NKIRAS1: variants seen among roughly 807,000 people sequenced by gnomAD.
The protein encoded by NKIRAS1 is NF-kappa-B inhibitor-interacting Ras-like protein 1.
NKIRAS1 carries 16 observed loss-of-function variants against 19.8 expected under a neutral mutation model. That is an observed-to-expected ratio of 0.81 (90% CI 0.55 to 1.23). The LOEUF (loss-of-function observed/expected upper bound fraction) is 1.23, where lower values mean the gene tolerates loss of function less well. NKIRAS1 is among the 50% of genes most tolerant of loss of function. The pLI, the probability that NKIRAS1 is intolerant of heterozygous loss-of-function variation, is 0.00. For synonymous variants in NKIRAS1, 88 were observed against 79.0 expected (o/e 1.11, Z -0.61); for missense variants, 184 against 220.0 (o/e 0.84, Z 1.04).
rs1454504024 is a variant in NKIRAS1 at position 23,891,179 on chromosome 3, G to A, written c.*1916C>T. Reference sequence around the variant, plus strand: ...GAATCAGGACTTGTGAAAACCTGTAGTGAAATACCTTAAGCTGTTAACTAA... The same window carrying A: ...GAATCAGGACTTGTGAAAACCTGTAATGAAATACCTTAAGCTGTTAACTAA... On this transcript the variant is annotated 3_prime_UTR_variant, in exon 5 of 5. Transcript: ENST00000425478. 6.6e-6 allele frequency: 1 copy of A among 152,462 alleles called. No individual in the cohort carries two copies. The highest frequency in any genetic ancestry group is 1.9e-4 in the East Asian group (1 of 5,198). The allele number at this position is 152,462 out of a possible 1,614,324, so 9.4% of individuals were successfully genotyped here. A position where few individuals can be genotyped will look rare whatever the true frequency, so the allele number is the denominator to read the frequency against.
intron 1 of NKIRAS1, chr3:23,945,986 C>T (rs1335588050): frequency 1.7e-5 from 9 of 538,890 alleles, no homozygotes; most frequent in Non-Finnish European, 2.1e-5. Context: ...CGCTCGGCTC[C>T]CTGACCCACA....
At position 23,926,344 on chromosome 3, in the gene NKIRAS1, G is replaced by A. The variant is rs1480314654; in HGVS notation, c.-139-14894C>T. On this transcript the variant is annotated intron_variant, in intron 1 of 4. Transcript: ENST00000421515. This position sits in a 1 kb window ranked among gnomAD's most constrained non-coding sequence, Gnocchi z 4.3. ...TGGGATTATAGGTATGAGCCATGGC[G>A]CCCGGCCATAGTACTGACTTAGACC... Among the ~76,000 whole-genome samples, 1 of 152,160 alleles carries A rather than the reference G, an allele frequency of 6.6e-6. No homozygotes were observed. Among genetic ancestry groups the A allele is most frequent in the African/African-American group, 2.4e-5 (1 of 41,426 alleles).
chr3:23,908,998 G>A (rs898040105), intron 3 of NKIRAS1, among the ~76,000 whole-genome samples: 3 of 151,230 alleles, frequency 2.0e-5, no homozygotes, highest in East Asian at 2.0e-4. Context: ...GCCTGGCCAC[G>A]GTTTTAATTT....
At chr3:23,945,893 G>A (rs1029508802) in intron 1 of NKIRAS1, among the ~76,000 whole-genome samples, 1 of 150,912 alleles carries the variant, frequency 6.6e-6, no homozygotes, top group African/African-American at 2.4e-5. Flanking sequence ...CGGCGCGCGG[G>A]CGCCGGTTGG....
intron 4 of NKIRAS1, among the ~76,000 whole-genome samples, chr3:23,897,625 C>G (rs935032832): frequency 1.6e-4 from 25 of 152,292 alleles, no homozygotes; most frequent in African/African-American, 5.1e-4. Flanking sequence ...AAGCAAATTC[C>G]GACCTCAGAT....
exon 1 of NKIRAS1, chr3:23,946,432 G>A (rs949819352): frequency 4.4e-5 from 16 of 367,400 alleles, no homozygotes; most frequent in Non-Finnish European, 5.3e-5. Context: ...AAGGAGCTCT[G>A]AGGTGCTTCG....
intron 1 of NKIRAS1, chr3:23,946,171 C>T (rs1402218792): frequency 3.0e-6 from 3 of 985,090 alleles, no homozygotes; most frequent in African/African-American, 3.5e-5. Flanking sequence ...CGCGTGCGCG[C>T]CCGCTGAGCC....
At chr3:23,919,480 C>A (rs145762035), upstream of NKIRAS1, 18 of 1,584,148 alleles carry the variant, frequency 1.1e-5, no homozygotes, top group Non-Finnish European at 1.5e-5. Flanking sequence ...GCAATACTCT[C>A]CAGCTCCACC....
chr3:23,918,236 A>T, upstream of NKIRAS1: 1 of 910,996 alleles, frequency 1.1e-6, no homozygotes, highest in South Asian at 1.8e-5. Flanking sequence ...ATGAGTTCAG[A>T]CTAAAGCAAA....
At chr3:23,944,264 G>T (rs997287605) in intron 1 of NKIRAS1, among the ~76,000 whole-genome samples, 1 of 152,078 alleles carries the variant, frequency 6.6e-6, no homozygotes, top group Admixed American at 6.5e-5. Flanking sequence ...CTGGGGGGTG[G>T]GGAAATAGGG....
In NKIRAS1 at chr3:23,910,872, T is replaced by C. The variant is rs746678249; in HGVS notation, c.33A>G (p.Gly11=). 6.2e-7 allele frequency: 1 copy of C among 1,613,994 alleles called. No homozygotes were observed. The highest frequency in any genetic ancestry group is 1.7e-5 in the Admixed American group (1 of 59,992). Residue 11 remains glycine (G), a synonymous_variant, in exon 3 of 5, where the codon GGA becomes GGG. Coordinates refer to ENST00000425478, the MANE Select transcript of NKIRAS1 (RefSeq NM_020345.4). ...TTGCAGTTTTCCCCACAGATAACAATCCACAAACCACAACCTTGCAGCCCT... is the reference window on the plus strand; with the variant it reads ...TTGCAGTTTTCCCCACAGATAACAACCCACAAACCACAACCTTGCAGCCCT... MGKGCKVVVC[G]LLSVGKTAIL...
At chr3:23,921,679 A>G (rs1387134095), upstream of NKIRAS1, 46 of 673,038 alleles carry the variant, frequency 6.8e-5, no homozygotes, top group Non-Finnish European at 1.0e-4. Context: ...GGTTTGAGCA[A>G]TTCTTCTGCC....
Position 23,945,638 on chromosome 3 carries a change from G to A in NKIRAS1, c.-140+685C>T, listed in dbSNP as rs540196148. On this transcript the variant is annotated intron_variant, in intron 1 of 4. Coordinates refer to the NKIRAS1 transcript ENST00000421515. ...CGGGTGGGGGATGGCCGGAGGGAGC[G>A]CTCAGAGCCCGCGGGGCACTTTGGG... 4 of 1,117,622 alleles carry A rather than the reference G, an allele frequency of 3.6e-6. No homozygotes were observed. The South Asian group carries it at 1.7e-4, about 48-fold the overall frequency. The allele number at this position is 1,117,622 out of a possible 1,614,324, so 69.2% of individuals were successfully genotyped here.
At chr3:23,931,204 G>A (rs1705309281) in intron 1 of NKIRAS1, among the ~76,000 whole-genome samples, 2 of 152,174 alleles carry the variant, frequency 1.3e-5, no homozygotes, top group South Asian at 2.1e-4. Context: ...GAAACTCTTC[G>A]TAAAGTTTCA....
At chr3:23,936,082 CAAAAAAAAAAA>C (rs35945213) in intron 1 of NKIRAS1, among the ~76,000 whole-genome samples, 14 of 63,908 alleles carry the variant, frequency 2.2e-4, no homozygotes, top group Admixed American at 5.0e-4. Flanking sequence ...GACCCTGTCT[CAAAAAAAAAAA>C]AAAAAAAAAA....
At position 23,904,800 on chromosome 3, in the gene NKIRAS1, T is replaced by A. The variant is rs142650661; in HGVS notation, c.95-3751A>T. Among the ~76,000 whole-genome samples the A allele has an allele frequency of 7.6e-4, 115 of 152,302 alleles. 2 individuals carry two copies. In the East Asian group the frequency reaches 0.02, roughly 27 times the overall value. ...TGAATCAGCAATTTCTAGATATGTA[T>A]ACCAGAATTTATCACATAATAGCCA... On this transcript the variant is annotated intron_variant, in intron 3 of 4. Coordinates refer to ENST00000425478, the MANE Select transcript of NKIRAS1 (RefSeq NM_020345.4).
chr3:23,946,058 G>GCCGCAGCCTCCCGGGAGGCT, intron 1 of NKIRAS1: 1 of 975,082 alleles, frequency 1.0e-6, no homozygotes, highest in Non-Finnish European at 1.2e-6. Context: ...GGCTGGGAGC[G>GCCGCAGCCTCCCGGGAGGCT]CCGCAGCCTC....
At chr3:23,913,460 TACC>T (rs571476423) in intron 1 of NKIRAS1, among the ~76,000 whole-genome samples, 24 of 152,276 alleles carry the variant, frequency 1.6e-4, no homozygotes, top group African/African-American at 5.5e-4. Flanking sequence ...TAGGAAACAA[TACC>T]ACTACATAAA....
rs531373715 is a variant in NKIRAS1, at chr3:23,895,371, C to G, written c.337-2034G>C. Reference sequence around the variant, plus strand: ...CAGTTCCAGGCATCCCACTCTGACTCCTGCCTTCCCAGTCATGCCTAATGC... The same window carrying G: ...CAGTTCCAGGCATCCCACTCTGACTGCTGCCTTCCCAGTCATGCCTAATGC... On this transcript the variant is annotated intron_variant, in intron 4 of 4. Transcript: ENST00000425478. Among the ~76,000 whole-genome samples the G allele has an allele frequency of 2.6e-5, 4 of 152,272 alleles. No homozygotes were observed. The South Asian group carries it at 8.3e-4, about 32-fold the overall frequency.
Sources: allele counts gnomAD v4.1 joint callset (sites outside exome capture counted in the v4.1 genomes callset), GRCh38; gene constraint gnomAD v4.1.1; non-coding constraint Gnocchi (gnomAD v3.1); transcripts MANE v1.5; gene names NCBI Gene and HGNC (gene_info 2026-07-23, HGNC 2026-07-21).